The following SLC6A18 variants were observed in gnomAD, a reference collection of about 807,000 sequenced individuals.
The protein encoded by SLC6A18 is solute carrier family 6 member 18.
A neutral mutation model predicts 62.9 loss-of-function variants in SLC6A18; 58 were observed. The ratio of observed to expected loss-of-function variants is 0.92; its 90% CI spans 0.75 to 1.15. The LOEUF is 1.15. Among genes scored for constraint, SLC6A18 ranks in the 50% most tolerant of loss-of-function variants. The pLI is 0.00. For synonymous variants in SLC6A18, 382 were observed against 365.8 expected (o/e 1.04, Z -0.51); for missense variants, 793 against 836.6 (o/e 0.95, Z 0.64).
chr5:1,238,146 CGT>C (rs1245313962), intron 5 of SLC6A18, 86 bp downstream of exon 5: 11 of 1,083,834 alleles, frequency 1.0e-5, no homozygotes, highest in African/African-American at 9.3e-5. Context: ...CACCTGGGAG[CGT>C]GAGAGGCCAG....
chr5:1,228,349 C>T (rs1269190160), intron 1 of SLC6A18, among the ~76,000 whole-genome samples: 3 of 152,206 alleles, frequency 2.0e-5, no homozygotes, highest in African/African-American at 2.4e-5. Context: ...TCGCGGCTCC[C>T]GGCTCGGTCT....
intron 3 of SLC6A18, among the ~76,000 whole-genome samples, chr5:1,234,200 A>G (rs1410405484): frequency 2.6e-5 from 4 of 152,320 alleles, no homozygotes; most frequent in African/African-American, 9.6e-5. Context: ...CGTATCTTTC[A>G]ATGACTTGCT....
intron 3 of SLC6A18, among the ~76,000 whole-genome samples, chr5:1,233,967 T>C (rs1746815563): frequency 6.6e-6 from 1 of 152,116 alleles, no homozygotes; most frequent in Admixed American, 6.5e-5. Flanking sequence ...GGTCTCGATC[T>C]CCTGACCTCG....
intron 4 of SLC6A18, among the ~76,000 whole-genome samples, chr5:1,237,078 A>T (rs1348622763): frequency 1.0e-4 from 7 of 70,122 alleles, no homozygotes; most frequent in African/African-American, 3.4e-4. Context: ...TACTAAAAAT[A>T]AAAAAAAAAA....
intron 6 of SLC6A18, among the ~76,000 whole-genome samples, chr5:1,240,004 GC>G (rs1267828366): frequency 6.6e-6 from 1 of 152,244 alleles, no homozygotes; most frequent in Non-Finnish European, 1.5e-5. Flanking sequence ...TCCCGTGGCT[GC>G]CAGTATTTCT....
intron 11 of SLC6A18, 109 bp from the exon 12 acceptor site, chr5:1,245,739 T>C: frequency 8.3e-7 from 1 of 1,205,330 alleles, no homozygotes; most frequent in Admixed American, 2.6e-5. Flanking sequence ...TCCATTCCCA[T>C]CCAAGTCCGG....
rs1747128498 is a variant in SLC6A18 at position 1,243,663 on chromosome 5, G to A, written c.1240G>A (p.Gly414Arg). The A allele has an allele frequency of 6.2e-7, 1 of 1,614,072 alleles. No individual in the cohort carries two copies. The highest frequency in any genetic ancestry group is 8.5e-7 in the Non-Finnish European group (1 of 1,179,990). The change falls in exon 9 of 12, where the codon GGG (glycine) becomes AGG (arginine). Residue 414 changes from glycine (G) to arginine (R), a missense_variant. Coordinates refer to ENST00000324642, the MANE Select transcript of SLC6A18 (RefSeq NM_182632.3). The surrounding 1 kb of genome is among the most constrained non-coding windows in gnomAD (Gnocchi z 6.5). ...CTTCTTCGGGATGCTGTTCACCTTG[G>A]GGCTATCGACCATGTTCGGGACCGT... ...MLFFGMLFTL[G>R]LSTMFGTVEA...
chr5:1,243,396 A>G lies in SLC6A18; in HGVS notation c.1132-159A>G, dbSNP rs1194595273. On this transcript the variant is annotated intron_variant, in intron 8 of 11. Coordinates refer to ENST00000324642, the MANE Select transcript of SLC6A18 (RefSeq NM_182632.3). The surrounding 1 kb of genome is among the most constrained non-coding windows in gnomAD (Gnocchi z 6.5). Reference sequence around the variant, plus strand: ...TTGCGCTTGCAGCCTCGTCTCCCAGAAGGCATGGCCAGCCCTGAGCCACCT... The same window carrying G: ...TTGCGCTTGCAGCCTCGTCTCCCAGGAGGCATGGCCAGCCCTGAGCCACCT... Among the ~76,000 whole-genome samples the G allele has an allele frequency of 1.3e-5, 2 of 152,172 alleles. No homozygotes were observed. Among genetic ancestry groups the G allele is most frequent in the Non-Finnish European group, 1.5e-5 (1 of 68,022 alleles).
rs1186436552 is a variant in SLC6A18 at position 1,245,994 on chromosome 5, G to A, written c.1803G>A (p.Arg601=). 1 of 1,597,994 alleles carries A rather than the reference G, an allele frequency of 6.3e-7. No individual in the cohort carries two copies. ...GGCGGAGGCGGACGTGGAGGGACAG[G>A]GACGCGCGCCCAGACACGGACATGC... ...LTRRRRTWRD[R]DARPDTDMRP... The change falls in exon 12 of 12, where the codon AGG becomes AGA. Residue 601 remains arginine (R), a synonymous_variant. Transcript: ENST00000324642.
chr5:1,238,642 A>C (rs56361499), intron 5 of SLC6A18, among the ~76,000 whole-genome samples: 4,362 of 26,408 alleles, frequency 0.17, 1,011 homozygotes, highest in Middle Eastern at 0.25. Flanking sequence ...AGCCTGGAGG[A>C]CTCAGGAAAG....
chr5:1,232,863 C>T lies in SLC6A18; in HGVS notation c.414C>T (p.Ser138=). The T allele has an allele frequency of 6.2e-7, 1 of 1,612,856 alleles. No individual in the cohort carries two copies. Among genetic ancestry groups the T allele is most frequent in the Non-Finnish European group, 8.5e-7 (1 of 1,179,830 alleles). The part of the protein sequence containing the change: ...NSFQHPLPWS[S]CPPDLNRTGF... Reference sequence around the variant, plus strand: ...TCCAGCACCCGCTGCCCTGGAGCTCCTGCCCACCGGACCTCAACAGAACAG... The same window carrying T: ...TCCAGCACCCGCTGCCCTGGAGCTCTTGCCCACCGGACCTCAACAGAACAG... The change falls in exon 3 of 12, where the codon TCC becomes TCT. Residue 138 remains serine, a synonymous_variant. Coordinates refer to ENST00000324642, the MANE Select transcript of SLC6A18 (RefSeq NM_182632.3).
At chr5:1,235,444 C>T (rs1432259286) in intron 3 of SLC6A18, 37 bp from the exon 4 acceptor site, 1 of 1,604,000 alleles carries the variant, frequency 6.2e-7, no homozygotes. Flanking sequence ...GGTGCCTACG[C>T]CCCACAGCCA....
At chr5:1,225,992 T>C (rs761705843) in intron 1 of SLC6A18, among the ~76,000 whole-genome samples, 3 of 152,242 alleles carry the variant, frequency 2.0e-5, no homozygotes, top group Non-Finnish European at 4.4e-5. Context: ...CTGAATGTCG[T>C]CAGTTCTTTA....
chr5:1,229,769 G>C (rs958195169), intron 1 of SLC6A18, among the ~76,000 whole-genome samples: 7 of 151,038 alleles, frequency 4.6e-5, no homozygotes, highest in Non-Finnish European at 8.9e-5. Flanking sequence ...AGGCCTCCAC[G>C]GTGCAGGCTG....
Position 1,242,841 on chromosome 5 carries a change from T to C in SLC6A18, c.1109T>C (p.Leu370Pro). 1.2e-6 allele frequency: 2 copies of C among 1,611,754 alleles called. No individual in the cohort carries two copies. Among genetic ancestry groups the C allele is most frequent in the Non-Finnish European group, 8.5e-7 (1 of 1,178,798 alleles). Residue 370 changes from leucine (L) to proline (P), a missense_variant, in exon 8 of 12, where the codon CTC (leucine) becomes CCC (proline). Physicochemically the swap from Leu to Pro is moderately conservative, Grantham distance 98 (BLOSUM62 -3). Transcript: ENST00000324642. ...GCCCAGCTCCCCCTGAAGGCCTGCC[T>C]CCTGGAAGACTTTCTGGATAAGGTA... ...RVAQLPLKAC[L>P]LEDFLDKSAS...
chr5:1,225,635 G>A lies in SLC6A18; in HGVS notation c.158G>A (p.Gly53Glu). The part of the protein sequence containing the change: ...RFPYLCQTYG[G>E]GAFLIPYVIA... Reference sequence around the variant, plus strand: ...CCATACCTGTGCCAGACCTATGGAGGAGGTAAGCACCCACCTGCGTCCTGG... The same window carrying A: ...CCATACCTGTGCCAGACCTATGGAGAAGGTAAGCACCCACCTGCGTCCTGG... Residue 53 changes from glycine (G) to glutamate (E), a missense_variant and splice_region_variant, in exon 1 of 12, where the codon GGA becomes GAA. Transcript: ENST00000324642. 2 of 1,579,488 alleles carry A rather than the reference G, an allele frequency of 1.3e-6. No individual in the cohort carries two copies. Among genetic ancestry groups the A allele is most frequent in the Non-Finnish European group, 8.6e-7 (1 of 1,162,488 alleles).
chr5:1,245,662 A>G (rs1747197519), intron 11 of SLC6A18, among the ~76,000 whole-genome samples, 186 bp from the exon 12 acceptor site: 1 of 152,156 alleles, frequency 6.6e-6, no homozygotes, highest in Non-Finnish European at 1.5e-5. Flanking sequence ...CAGGTCCCCA[A>G]ACTCCTGGCC....
chr5:1,245,845 CA>C lies in SLC6A18; in HGVS notation c.1657-2del. 1 of 1,605,214 alleles carries C rather than the reference CA, an allele frequency of 6.2e-7. No homozygotes were observed. Reference sequence around the variant, plus strand: ...GCCAGCTAATGAGGCTGTGGTCCCGCAGGAGCTGTTCCCCTCGCGTCAGGAG... The same window carrying C: ...GCCAGCTAATGAGGCTGTGGTCCCGCGGAGCTGTTCCCCTCGCGTCAGGAG... On this transcript the variant is annotated splice_acceptor_variant, in intron 11 of 11. Transcript: ENST00000324642. LOFTEE classifies it high-confidence loss of function.
chr5:1,228,805 G>A (rs1295911605), intron 1 of SLC6A18, among the ~76,000 whole-genome samples: 2 of 152,234 alleles, frequency 1.3e-5, no homozygotes, highest in Admixed American at 6.5e-5. Flanking sequence ...CTGGGAGGTC[G>A]AGGCTGGAGT....
Sources: allele counts gnomAD v4.1 joint callset (sites outside exome capture counted in the v4.1 genomes callset), GRCh38; gene constraint gnomAD v4.1.1; non-coding constraint Gnocchi (gnomAD v3.1); transcripts MANE v1.5; gene names NCBI Gene and HGNC (gene_info 2026-07-23, HGNC 2026-07-21).